The following ZNF469 variants were observed in gnomAD, a reference collection of about 807,000 sequenced individuals.
The protein encoded by ZNF469 is zinc finger protein 469.
In ZNF469, 1 loss-of-function variant was observed where a neutral mutation model predicts 1.0. The ratio of observed to expected loss-of-function variants is 1.00; its 90% CI spans 0.35 to 4.73. The LOEUF (loss-of-function observed/expected upper bound fraction) is 4.73, where lower values mean the gene tolerates loss of function less well. Among genes scored for constraint, ZNF469 ranks in the 30% most tolerant of loss-of-function variants. ZNF469 has a pLI of 0.16. For missense variants in ZNF469, 6,100 were observed against 5,356.3 expected, an observed-to-expected ratio of 1.14 and a Z score of -4.33; for synonymous variants, 2,703 against 2,363.4, an observed-to-expected ratio of 1.14 and a Z score of -4.17.
At chr16:88,139,000 A>G in the ZNF469 span, among the ~76,000 whole-genome samples, 8 of 152,262 alleles carry the variant, frequency 5.3e-5, no homozygotes, top group South Asian at 2.1e-4. Flanking sequence ...CCCTGTCCCA[A>G]TGTAAACACA....
At chr16:88,221,784 C>T in the ZNF469 span, among the ~76,000 whole-genome samples, 7 of 152,196 alleles carry the variant, frequency 4.6e-5, no homozygotes, top group African/African-American at 1.7e-4. Context: ...GAGGGAGAAT[C>T]CCACTCCATC....
At chr16:88,261,679 C>T in the ZNF469 span, among the ~76,000 whole-genome samples, 9 of 152,086 alleles carry the variant, frequency 5.9e-5, 1 homozygote, top group African/African-American at 1.2e-4. The surrounding 1 kb of genome is among the most constrained non-coding windows in gnomAD (Gnocchi z 6.0). Context: ...GTCCACCAGC[C>T]GCTCCTCCCC....
intron 1 of ZNF469, among the ~76,000 whole-genome samples, chr16:88,405,412 C>T (rs1905000671): frequency 6.6e-6 from 1 of 152,222 alleles, no homozygotes; most frequent in African/African-American, 2.4e-5. Context: ...TGCCTCCCGG[C>T]AACAGTCAGG....
the ZNF469 span, among the ~76,000 whole-genome samples, chr16:88,317,299 T>G: frequency 6.6e-6 from 1 of 152,174 alleles, no homozygotes; most frequent in South Asian, 2.1e-4. Context: ...CCGTGGAGCC[T>G]CCTTCTGCCT....
chr16:88,352,834 C>A, the ZNF469 span, among the ~76,000 whole-genome samples: 2 of 152,206 alleles, frequency 1.3e-5, no homozygotes, highest in East Asian at 1.9e-4. Context: ...TGGCTGACCC[C>A]GTCCTGCTGC....
chr16:88,285,416 G>T, the ZNF469 span, among the ~76,000 whole-genome samples: 3 of 152,248 alleles, frequency 2.0e-5, no homozygotes, highest in Non-Finnish European at 4.4e-5. Flanking sequence ...AAGACAGGCA[G>T]CCAGGGGCTG....
chr16:88,257,035 G>A, the ZNF469 span, among the ~76,000 whole-genome samples: 25 of 148,586 alleles, frequency 1.7e-4, no homozygotes, highest in African/African-American at 4.7e-4. Context: ...TGCAACCTCC[G>A]CCTCCTAGGT....
chr16:88,185,312 GTC>G, the ZNF469 span, among the ~76,000 whole-genome samples: 1 of 151,958 alleles, frequency 6.6e-6, no homozygotes, highest in African/African-American at 2.4e-5. Context: ...AACTCTCACA[GTC>G]ACACATTCAC....
the ZNF469 span, among the ~76,000 whole-genome samples, chr16:88,208,012 CT>C: frequency 6.6e-6 from 1 of 152,198 alleles, no homozygotes; most frequent in African/African-American, 2.4e-5. Context: ...ATGTCCTGTA[CT>C]TTGTTAAATT....
At chr16:88,389,968 G>A (rs1201532141) in intron 1 of ZNF469, among the ~76,000 whole-genome samples, 2 of 152,238 alleles carry the variant, frequency 1.3e-5, no homozygotes, top group African/African-American at 2.4e-5. Context: ...GTGAGGTGGG[G>A]TCGGCCTGCG....
chr16:88,327,559 G>T, the ZNF469 span, among the ~76,000 whole-genome samples: 4 of 152,190 alleles, frequency 2.6e-5, no homozygotes, highest in South Asian at 4.2e-4. Context: ...GGGTTGGGGG[G>T]GGGTCTGTGC....
intron 1 of ZNF469, among the ~76,000 whole-genome samples, chr16:88,402,907 G>C (rs1904923739): frequency 1.3e-5 from 2 of 152,156 alleles, no homozygotes; most frequent in Admixed American, 1.3e-4. Context: ...GGGCTCTGCT[G>C]ACTCTTTCAG....
chr16:88,119,376 C>T, the ZNF469 span, among the ~76,000 whole-genome samples: 4 of 152,314 alleles, frequency 2.6e-5, no homozygotes, highest in African/African-American at 7.2e-5. Flanking sequence ...CTGTGGTGCA[C>T]GTGCGGGGCC....
rs1470603082 is a variant in ZNF469, at chr16:88,431,521, A to G, written c.4051A>G (p.Ser1351Gly). 27 of 1,550,278 alleles carry G rather than the reference A, an allele frequency of 1.7e-5. No individual in the cohort carries two copies. The highest frequency in any genetic ancestry group is 2.3e-5 in the Non-Finnish European group (26 of 1,146,990). Residue 1351 changes from serine (S) to glycine (G), a missense_variant, in exon 3 of 3, where the codon AGT becomes GGT. Transcript: ENST00000565624. ...KPSVLSSKIS[S>G]FGCDPAGFNR... The stretch of plus-strand genomic sequence containing the variant: ...CAGTGTTCTGTCTTCAAAGATCTCC[A>G]GTTTTGGCTGTGACCCTGCTGGTTT...
chr16:88,396,320 C>G (rs1337742892), intron 1 of ZNF469, among the ~76,000 whole-genome samples: 1 of 152,248 alleles, frequency 6.6e-6, no homozygotes, highest in Admixed American at 6.5e-5. Context: ...ACATCAGCTC[C>G]AAACTCAAGA....
At chr16:88,237,183 C>G in the ZNF469 span, among the ~76,000 whole-genome samples, 204 of 86,530 alleles carry the variant, frequency 2.4e-3, 3 homozygotes, top group African/African-American at 7.5e-3. Context: ...TCCTGCCACT[C>G]ACCCTCCCTG....
the ZNF469 span, among the ~76,000 whole-genome samples, chr16:88,343,091 T>C: frequency 0.31 from 47,602 of 151,760 alleles, 7,495 homozygotes; most frequent in African/African-American, 0.38. Context: ...TTGTGGTCCA[T>C]AGGCAAAGCA....
At chr16:88,153,337 C>T in the ZNF469 span, among the ~76,000 whole-genome samples, 194 of 152,188 alleles carry the variant, frequency 1.3e-3, no homozygotes, top group Non-Finnish European at 2.0e-3. Context: ...TCCCTGTATC[C>T]CTTCACATGT....
chr16:88,112,531 T>A, the ZNF469 span, among the ~76,000 whole-genome samples: 5 of 152,054 alleles, frequency 3.3e-5, no homozygotes, highest in Admixed American at 3.3e-4. Context: ...TCTCTGACGA[T>A]CAATGATGCT....
Sources: allele counts gnomAD v4.1 joint callset (sites outside exome capture counted in the v4.1 genomes callset), GRCh38; gene constraint gnomAD v4.1.1; non-coding constraint Gnocchi (gnomAD v3.1); transcripts MANE v1.5; gene names NCBI Gene and HGNC (gene_info 2026-07-23, HGNC 2026-07-21).